The following GEMIN2 variants were observed in gnomAD, a reference collection of about 807,000 sequenced individuals.
GEMIN2 encodes gem-associated protein 2.
Under a neutral mutation model 45.8 loss-of-function variants are expected in GEMIN2, and 37 were observed. That is an observed-to-expected ratio of 0.81 (90% CI 0.62 to 1.06). The LOEUF is 1.06. GEMIN2 is among the 50% of genes least tolerant of loss of function. GEMIN2 has a pLI of 0.00. For synonymous variants in GEMIN2, 101 were observed against 111.5 expected (o/e 0.91, Z 0.60); for missense variants, 335 against 321.8 (o/e 1.04, Z -0.31).
intron 1 of GEMIN2, 122 bp downstream of exon 1, chr14:39,114,597 C>T (rs2052477837): frequency 2.7e-6 from 2 of 747,498 alleles, no homozygotes; most frequent in African/African-American, 1.8e-5. Flanking sequence ...TTCTGGATTA[C>T]ATCCTAACGT....
chr14:39,118,628 A>G lies in GEMIN2; in HGVS notation c.372+29A>G, dbSNP rs556211192. ...TGTAAGTTTCTCAGTTTTAAGATGT[A>G]CAATGTATACCTGATTGAAAGAGTC... On this transcript the variant is annotated intron_variant, in intron 4 of 9. Transcript: ENST00000308317. 26 of 973,158 alleles carry G rather than the reference A, an allele frequency of 2.7e-5. No homozygotes were observed. The Admixed American group carries it at 3.2e-4, about 12-fold the overall frequency. 60.3% of individuals were successfully genotyped at this position (973,158 alleles called of 1,614,324 possible). A position where few individuals can be genotyped will look rare whatever the true frequency, so the allele number is the denominator to read the frequency against.
At position 39,131,946 on chromosome 14, in the gene GEMIN2, A is replaced by T. The variant is rs375362838; in HGVS notation, c.601-12A>T. The T allele has an allele frequency of 3.6e-6, 5 of 1,388,474 alleles. No individual in the cohort carries two copies. Among genetic ancestry groups the T allele is most frequent in the Non-Finnish European group, 5.1e-6 (5 of 986,848 alleles). 86.0% of individuals were successfully genotyped at this position (1,388,474 alleles called of 1,614,324 possible). A position where few individuals can be genotyped will look rare whatever the true frequency, so the allele number is the denominator to read the frequency against. On this transcript the variant is annotated splice_polypyrimidine_tract_variant and intron_variant, in intron 7 of 9. Transcript: ENST00000308317. ...ATTTGTCTAAATATTAATTTTTTGA[A>T]TTTTTTTTTAGGGAAGATGGCTTTA...
At chr14:39,120,744 C>T (rs976525437) in intron 4 of GEMIN2, among the ~76,000 whole-genome samples, 2 of 152,142 alleles carry the variant, frequency 1.3e-5, no homozygotes, top group Non-Finnish European at 2.9e-5. Context: ...TCTCCTGCCT[C>T]AGCCTCCCAA....
rs554328855 is a variant in GEMIN2 at position 39,128,801 on chromosome 14, G to A, written c.600+453G>A. Among the ~76,000 whole-genome samples the A allele has an allele frequency of 2.6e-5, 4 of 151,948 alleles. No homozygotes were observed. In the South Asian group the frequency reaches 8.3e-4, roughly 32 times the overall value. Reference sequence around the variant, plus strand: ...TACAGGCATGAGCCACCATGTGTGCGGCCTTTTGTGTTTTTTAAATAGAGA... The same window carrying A: ...TACAGGCATGAGCCACCATGTGTGCAGCCTTTTGTGTTTTTTAAATAGAGA... On this transcript the variant is annotated intron_variant, in intron 7 of 9. Coordinates refer to ENST00000308317, the MANE Select transcript of GEMIN2 (RefSeq NM_003616.3).
chr14:39,119,096 C>T (rs1267156098), intron 4 of GEMIN2, among the ~76,000 whole-genome samples: 1 of 152,072 alleles, frequency 6.6e-6, no homozygotes, highest in Non-Finnish European at 1.5e-5. Context: ...TTTTAATTCA[C>T]AATATCTTGG....
intron 7 of GEMIN2, among the ~76,000 whole-genome samples, chr14:39,131,614 C>T (rs1277809748): frequency 3.3e-5 from 5 of 152,036 alleles, no homozygotes; most frequent in African/African-American, 1.2e-4. Flanking sequence ...CCATACAGAA[C>T]AAAGAAAAAA....
chr14:39,134,875 T>C (rs955153189), intron 9 of GEMIN2, among the ~76,000 whole-genome samples: 1 of 152,218 alleles, frequency 6.6e-6, no homozygotes, highest in Non-Finnish European at 1.5e-5. Flanking sequence ...ACCTACCTCA[T>C]CTGTTGGTAG....
intron 9 of GEMIN2, among the ~76,000 whole-genome samples, chr14:39,136,229 G>A (rs1244266132): frequency 6.6e-6 from 1 of 152,074 alleles, no homozygotes; most frequent in Non-Finnish European, 1.5e-5. Context: ...TACTTTAGCA[G>A]TATAAATACG....
At position 39,131,742 on chromosome 14, in the gene GEMIN2, T is replaced by C. The variant is rs960133553; in HGVS notation, c.601-216T>C. 9.7e-6 allele frequency: 4 copies of C among 414,234 alleles called. No homozygotes were observed. In the Admixed American group the frequency reaches 1.7e-4, roughly 17 times the overall value. 25.7% of individuals were successfully genotyped at this position (414,234 alleles called of 1,614,324 possible). A position where few individuals can be genotyped will look rare whatever the true frequency, so the allele number is the denominator to read the frequency against. On this transcript the variant is annotated intron_variant, in intron 7 of 9. Coordinates refer to ENST00000308317, the MANE Select transcript of GEMIN2 (RefSeq NM_003616.3). ...AACTCTTTGGAGATCAGGGAATATT[T>C]TGAGGTATCCAATGTCCTGTGTCTG...
At chr14:39,133,793 G>A in intron 9 of GEMIN2, 74 bp downstream of exon 9, 2 of 877,104 alleles carry the variant, frequency 2.3e-6, no homozygotes, top group Non-Finnish European at 3.5e-6. Context: ...ATTACATTTG[G>A]TTTTTGTTTG....
At chr14:39,116,225 G>A (rs560245932) in intron 2 of GEMIN2, among the ~76,000 whole-genome samples, 81 of 151,814 alleles carry the variant, frequency 5.3e-4, no homozygotes, top group Non-Finnish European at 9.1e-4. Context: ...TAGTAGAGAC[G>A]TGGTTTTACC....
At chr14:39,129,763 C>T (rs11157046) in intron 7 of GEMIN2, among the ~76,000 whole-genome samples, 140,642 of 151,822 alleles carry the variant, frequency 0.93, 65,240 homozygotes, top group East Asian at 0.95. Flanking sequence ...TGTGTATATA[C>T]ATATGTATAA....
Position 39,128,366 on chromosome 14 carries a change from T to C in GEMIN2, c.600+18T>C, listed in dbSNP as rs760318916. 1.4e-6 allele frequency: 2 copies of C among 1,444,006 alleles called. No individual in the cohort carries two copies. Among genetic ancestry groups the C allele is most frequent in the Non-Finnish European group, 1.9e-6 (2 of 1,033,236 alleles). 89.4% of individuals were successfully genotyped at this position (1,444,006 alleles called of 1,614,324 possible). A position where few individuals can be genotyped will look rare whatever the true frequency, so the allele number is the denominator to read the frequency against. On this transcript the variant is annotated intron_variant, in intron 7 of 9. Coordinates refer to ENST00000308317, the MANE Select transcript of GEMIN2 (RefSeq NM_003616.3). ...CAGAATTGGTAGTATTGCATGTTTTTCTTTTCATAATGTAGGCAAAAATTA... is the reference window on the plus strand; with the variant it reads ...CAGAATTGGTAGTATTGCATGTTTTCCTTTTCATAATGTAGGCAAAAATTA...
At chr14:39,115,785 G>A (rs1330433157) in intron 2 of GEMIN2, among the ~76,000 whole-genome samples, 1 of 151,952 alleles carries the variant, frequency 6.6e-6, no homozygotes, top group African/African-American at 2.4e-5. Flanking sequence ...GCACACTCTG[G>A]ACATTTTCAT....
chr14:39,127,844 C>T (rs1240152914), intron 6 of GEMIN2, among the ~76,000 whole-genome samples: 1 of 151,964 alleles, frequency 6.6e-6, no homozygotes, highest in Non-Finnish European at 1.5e-5. Context: ...CCGAGGAGGG[C>T]GGATCACCTG....
intron 6 of GEMIN2, among the ~76,000 whole-genome samples, chr14:39,125,515 C>T (rs551951931): frequency 1.6e-4 from 25 of 152,110 alleles, no homozygotes; most frequent in African/African-American, 5.5e-4. Context: ...ATGTTGGCCA[C>T]GTTGGTCTCG....
rs34165330 is a variant in GEMIN2, at chr14:39,129,934, G to GTTTTT, written c.600+1606_600+1610dup. 8.4e-3 allele frequency among the ~76,000 whole-genome samples: 519 copies of GTTTTT among 61,430 alleles called. 8 individuals carry two copies. The highest frequency in any genetic ancestry group is 0.016 in the Middle Eastern group (1 of 62). 40.3% of individuals were successfully genotyped at this position (61,430 alleles called of 152,430 possible). A position where few individuals can be genotyped will look rare whatever the true frequency, so the allele number is the denominator to read the frequency against. On this transcript the variant is annotated intron_variant, in intron 7 of 9. Transcript: ENST00000308317. ...TCCTTATCTCATTGCAGACAAGTTT[G>GTTTTT]TTTTTTTTTTTTTTTTTTTTTTTTG... is the stretch of plus-strand genomic sequence containing the variant.
At chr14:39,133,170 A>G (rs1386023852) in intron 8 of GEMIN2, among the ~76,000 whole-genome samples, 1 of 70,802 alleles carries the variant, frequency 1.4e-5, no homozygotes, top group African/African-American at 3.9e-5. Flanking sequence ...ATCCTCACAT[A>G]TATTGTATGC....
At chr14:39,127,929 G>A (rs73289792) in intron 6 of GEMIN2, among the ~76,000 whole-genome samples, 2,771 of 152,016 alleles carry the variant, frequency 0.018, 86 homozygotes, top group African/African-American at 0.063. Flanking sequence ...TTAGCCGGAC[G>A]TGGTGGTGCA....
Sources: allele counts gnomAD v4.1 joint callset (sites outside exome capture counted in the v4.1 genomes callset), GRCh38; gene constraint gnomAD v4.1.1; transcripts MANE v1.5; gene names NCBI Gene and HGNC (gene_info 2026-07-23, HGNC 2026-07-21).